EPDR1: variants seen among roughly 807,000 people sequenced by gnomAD.
EPDR1 encodes the protein ependymin related 1, also known as mammalian ependymin-related protein 1.
EPDR1 carries 27 observed loss-of-function variants against 23.7 expected under a neutral mutation model. That is an observed-to-expected ratio of 1.14 (90% CI 0.84 to 1.57). The LOEUF (loss-of-function observed/expected upper bound fraction) is 1.57. EPDR1 is among the 40% of genes most tolerant of loss of function. EPDR1 has a pLI of 0.00. For synonymous variants in EPDR1, 137 were observed against 118.2 expected (o/e 1.16, Z -1.03); for missense variants, 349 against 290.4 (o/e 1.20, Z -1.47).
At chr7:37,947,237 C>T (rs748670235) in intron 1 of EPDR1, among the ~76,000 whole-genome samples, 45 of 152,128 alleles carry the variant, frequency 3.0e-4, no homozygotes, top group Non-Finnish European at 5.7e-4. Context: ...TAAATGCTTA[C>T]CATTGTGTTA....
chr7:37,948,956 A>G lies in EPDR1; in HGVS notation c.386A>G (p.Gln129Arg), dbSNP rs764737868. ...TQPWDPLDIP[Q>R]NSTFEDQYSI... ...CCCTGGGATCCTCTTGACATTCCTC[A>G]AAACTCCACCTTTGAAGACCAGTAC... Residue 129 changes from glutamine to arginine, a missense_variant, in exon 2 of 3, where the codon CAA (glutamine) becomes CGA (arginine). Gln to Arg is a conservative substitution (Grantham distance 43). Coordinates refer to ENST00000199448, the MANE Select transcript of EPDR1 (RefSeq NM_017549.5). 1.1e-5 allele frequency: 18 copies of G among 1,614,054 alleles called. No individual in the cohort carries two copies. In the South Asian group the frequency reaches 1.4e-4, roughly 13 times the overall value.
intron 1 of EPDR1, among the ~76,000 whole-genome samples, chr7:37,938,352 T>C (rs1786102358): frequency 6.6e-6 from 1 of 152,138 alleles, no homozygotes; most frequent in African/African-American, 2.4e-5. Context: ...ATCAGGACTG[T>C]CAAGTGGATG....
chr7:37,922,006 C>T (rs774617226), intron 1 of EPDR1, among the ~76,000 whole-genome samples: 10 of 152,134 alleles, frequency 6.6e-5, no homozygotes, highest in Non-Finnish European at 1.0e-4. Context: ...AAAGGAAACC[C>T]TCTTTTTGAG....
intron 1 of EPDR1, among the ~76,000 whole-genome samples, chr7:37,937,984 A>ATTTTTTTTT (rs1347900474): frequency 4.8e-5 from 3 of 62,274 alleles, no homozygotes; most frequent in Admixed American, 2.1e-4. Context: ...GTGCCCTTTA[A>ATTTTTTTTT]ATTTTTTTTT....
chr7:37,936,082 T>C (rs1177640263), intron 1 of EPDR1, among the ~76,000 whole-genome samples: 1 of 135,788 alleles, frequency 7.4e-6, no homozygotes, highest in East Asian at 2.2e-4. Context: ...TGTAATTCAT[T>C]CTCACTTATG....
At position 37,949,453 on chromosome 7, in the gene EPDR1, A is replaced by G. The variant is rs112314081; in HGVS notation, c.478+405A>G. ...TCATGCTGAGTGTGCAAACCAGCCT[A>G]CTTTTATGTGAAGCCATTCTCTGCC... On this transcript the variant is annotated intron_variant, in intron 2 of 2. Transcript: ENST00000199448. Among the ~76,000 whole-genome samples the G allele has an allele frequency of 7.9e-3, 1,202 of 152,266 alleles. 15 individuals carry two copies. Among genetic ancestry groups the G allele is most frequent in the African/African-American group, 0.028 (1,147 of 41,560 alleles).
intron 1 of EPDR1, among the ~76,000 whole-genome samples, chr7:37,922,296 G>A (rs114837934): frequency 0.015 from 2,260 of 152,234 alleles, 49 homozygotes; most frequent in African/African-American, 0.052. Context: ...TAGGCGACTT[G>A]AAGAAAGTAC....
chr7:37,946,577 A>G (rs1392487442), intron 1 of EPDR1, among the ~76,000 whole-genome samples: 2 of 152,222 alleles, frequency 1.3e-5, no homozygotes, highest in East Asian at 1.9e-4. Context: ...TCCCACTTAC[A>G]TAAAAGGTAA....
intron 1 of EPDR1, among the ~76,000 whole-genome samples, chr7:37,947,077 C>T (rs941348380): frequency 6.6e-6 from 1 of 152,190 alleles, no homozygotes; most frequent in African/African-American, 2.4e-5. Flanking sequence ...CCTAGGCCTT[C>T]ACATTCTGTC....
At chr7:37,944,179 G>A (rs151051732) in intron 1 of EPDR1, among the ~76,000 whole-genome samples, 360 of 152,320 alleles carry the variant, frequency 2.4e-3, no homozygotes, top group Non-Finnish European at 3.9e-3. Flanking sequence ...GAAAAAAAGA[G>A]CCCAGGAAAT....
chr7:37,926,385 A>G (rs144929500), intron 1 of EPDR1, among the ~76,000 whole-genome samples: 3 of 152,036 alleles, frequency 2.0e-5, no homozygotes, highest in East Asian at 3.9e-4. Flanking sequence ...ATACAACCAT[A>G]AAAGTCAGGA....
At chr7:37,922,671 G>GC (rs1001887967) in intron 1 of EPDR1, among the ~76,000 whole-genome samples, 6 of 151,428 alleles carry the variant, frequency 4.0e-5, no homozygotes, top group African/African-American at 7.3e-5. Context: ...AAGCTAGGGG[G>GC]GGGTTCTGAC....
At chr7:37,944,196 C>T in intron 1 of EPDR1, among the ~76,000 whole-genome samples, 1 of 152,238 alleles carries the variant, frequency 6.6e-6, no homozygotes, top group East Asian at 1.9e-4. Context: ...AAATGAACAG[C>T]TGTTGGAATC....
chr7:37,934,849 G>T (rs1245269344), intron 1 of EPDR1, among the ~76,000 whole-genome samples: 3 of 152,206 alleles, frequency 2.0e-5, no homozygotes, highest in Admixed American at 1.3e-4. Context: ...GGAGGCTGGG[G>T]CAGGAAGATT....
intron 1 of EPDR1, among the ~76,000 whole-genome samples, chr7:37,939,908 A>G (rs1786136868): frequency 2.0e-5 from 3 of 152,220 alleles, no homozygotes; most frequent in Non-Finnish European, 2.9e-5. Flanking sequence ...ACAAAACCAC[A>G]AATGCTTTTA....
chr7:37,948,464 C>T (rs1786327417), intron 1 of EPDR1, among the ~76,000 whole-genome samples: 1 of 151,982 alleles, frequency 6.6e-6, no homozygotes, highest in Non-Finnish European at 1.5e-5. Context: ...TTACTTCAAC[C>T]TCCCAAGTAG....
intron 1 of EPDR1, among the ~76,000 whole-genome samples, chr7:37,945,156 T>C (rs1373907135): frequency 2.0e-5 from 3 of 152,230 alleles, no homozygotes; most frequent in East Asian, 3.8e-4. Context: ...CTTCAATCAG[T>C]GCTTAGGCTC....
At chr7:37,939,986 C>T (rs1235420015) in intron 1 of EPDR1, among the ~76,000 whole-genome samples, 1 of 152,112 alleles carries the variant, frequency 6.6e-6, no homozygotes, top group Non-Finnish European at 1.5e-5. Context: ...CAGCACAACA[C>T]AAGGTCATTA....
Position 37,943,866 on chromosome 7 carries a change from G to A in EPDR1, c.270-4974G>A, listed in dbSNP as rs189963628. ...TTACTTCTGTATGTGGGCAGAGCGG[G>A]CCTCAGGGAAACAGTGAAGCTGTGA... is the stretch of plus-strand genomic sequence containing the variant. On this transcript the variant is annotated intron_variant, in intron 1 of 2. Coordinates refer to ENST00000199448, the MANE Select transcript of EPDR1 (RefSeq NM_017549.5). Among the ~76,000 whole-genome samples, 401 of 152,266 alleles carry A rather than the reference G, an allele frequency of 2.6e-3. 1 individual carries two copies. The highest frequency in any genetic ancestry group is 9.2e-3 in the African/African-American group (381 of 41,558).
Sources: gnomAD v4.1 joint callset for allele counts (sites outside exome capture counted in the v4.1 genomes callset) on GRCh38, gnomAD v4.1.1 for gene constraint, MANE v1.5 for transcripts, NCBI Gene and HGNC (gene_info 2026-07-23, HGNC 2026-07-21) for gene names.